ADK: variants seen among roughly 807,000 people sequenced by gnomAD.
ADK encodes the protein adenosine kinase, also known as N6,N6-dimethyladenosine kinase.
A neutral mutation model predicts 44.7 loss-of-function variants in ADK; 24 were observed. The observed-to-expected ratio is 0.54, with a 90% CI of 0.39 to 0.76. ADK has a LOEUF of 0.76. ADK is among the 30% of genes least tolerant of loss of function. The pLI, the probability that ADK is intolerant of heterozygous loss-of-function variation, is 0.00. For missense variants in ADK, 321 were observed against 425.1 expected (o/e 0.76, Z 2.15); for synonymous variants, 128 against 142.6 (o/e 0.90, Z 0.73).
chr10:74,265,454 T>G (rs1349161420), intron 3 of ADK, among the ~76,000 whole-genome samples: 7 of 152,138 alleles, frequency 4.6e-5, no homozygotes. Flanking sequence ...GACCTCGTGA[T>G]CCACCTGCCT....
intron 3 of ADK, among the ~76,000 whole-genome samples, chr10:74,288,011 A>T (rs1847254041): frequency 6.6e-6 from 1 of 151,974 alleles, no homozygotes; most frequent in Non-Finnish European, 1.5e-5. Context: ...AGAGAAAAAA[A>T]AATTTTTAAG....
At chr10:74,177,945 A>ATATATATTTTTT (rs10693309) in intron 1 of ADK, among the ~76,000 whole-genome samples, 3 of 109,010 alleles carry the variant, frequency 2.8e-5, no homozygotes, top group Non-Finnish European at 3.7e-5. Context: ...ATATATATAT[A>ATATATATTTTTT]TTTTTTTTTT....
In ADK at chr10:74,702,767, T is replaced by G. The variant is rs144785160; in HGVS notation, c.965-5554T>G. On this transcript the variant is annotated intron_variant, in intron 10 of 10. Transcript: ENST00000539909. ...GCAAGTGCCATAACACCTGGCAAATTTTTGTATTTTTAGTAGAGACGAGGT... is the reference window on the plus strand; with the variant it reads ...GCAAGTGCCATAACACCTGGCAAATGTTTGTATTTTTAGTAGAGACGAGGT... Among the ~76,000 whole-genome samples the G allele has an allele frequency of 4.7e-3, 709 of 151,700 alleles. 4 individuals carry two copies. Among genetic ancestry groups the G allele is most frequent in the African/African-American group, 0.016 (681 of 41,360 alleles).
intron 10 of ADK, among the ~76,000 whole-genome samples, chr10:74,684,876 A>G (rs1016352929): frequency 6.6e-6 from 1 of 152,240 alleles, no homozygotes; most frequent in South Asian, 2.1e-4. Flanking sequence ...TAAAACTGTC[A>G]ATGCCACCCT....
intron 7 of ADK, among the ~76,000 whole-genome samples, chr10:74,584,926 A>G (rs1851482130): frequency 6.6e-6 from 1 of 152,222 alleles, no homozygotes; most frequent in Non-Finnish European, 1.5e-5. Flanking sequence ...TTAGTTTAAT[A>G]TTGATTATAG....
intron 4 of ADK, 68 bp downstream of exon 4, chr10:74,314,813 T>C: frequency 2.5e-6 from 3 of 1,187,982 alleles, no homozygotes; most frequent in East Asian, 4.8e-5. Context: ...TTTTGCATAA[T>C]TGTTTCCTTT....
chr10:74,500,233 G>A (rs970499487), intron 6 of ADK, among the ~76,000 whole-genome samples: 2 of 152,104 alleles, frequency 1.3e-5, no homozygotes, highest in Non-Finnish European at 2.9e-5. Flanking sequence ...TACCTCTAGT[G>A]TTTCTGCAAT....
intron 9 of ADK, among the ~76,000 whole-genome samples, chr10:74,601,233 T>C (rs1852108882): frequency 6.6e-6 from 1 of 152,086 alleles, no homozygotes; most frequent in African/African-American, 2.4e-5. Context: ...TTCTTATCTA[T>C]TGGTGCTAAC....
chr10:74,591,112 C>A (rs547150563), intron 8 of ADK, among the ~76,000 whole-genome samples: 1 of 152,066 alleles, frequency 6.6e-6, no homozygotes, highest in Non-Finnish European at 1.5e-5. Context: ...CTGATTAATA[C>A]TTTTATTTCC....
intron 1 of ADK, among the ~76,000 whole-genome samples, chr10:74,175,329 C>A (rs566848986): frequency 6.7e-6 from 1 of 150,072 alleles, no homozygotes; most frequent in South Asian, 2.1e-4. Context: ...GGTTGGAGAT[C>A]GCACCACTGC....
At chr10:74,696,904 G>A (rs1856229528) in intron 10 of ADK, among the ~76,000 whole-genome samples, 1 of 152,008 alleles carries the variant, frequency 6.6e-6, no homozygotes, top group Non-Finnish European at 1.5e-5. Context: ...TATATATGAG[G>A]TATTGCTGTC....
intron 10 of ADK, among the ~76,000 whole-genome samples, chr10:74,672,686 T>C (rs1178877240): frequency 6.6e-6 from 1 of 152,206 alleles, no homozygotes; most frequent in Non-Finnish European, 1.5e-5. Context: ...CTTTAGCACA[T>C]TCTGTCAAAT....
chr10:74,471,264 C>T (rs1361564373), intron 6 of ADK, among the ~76,000 whole-genome samples: 1 of 151,882 alleles, frequency 6.6e-6, no homozygotes, highest in Non-Finnish European at 1.5e-5. Context: ...TTAGTAGAGA[C>T]TGGGTTTCAC....
chr10:74,616,001 G>A (rs1852744921), intron 9 of ADK, among the ~76,000 whole-genome samples: 1 of 152,128 alleles, frequency 6.6e-6, no homozygotes, highest in Non-Finnish European at 1.5e-5. Flanking sequence ...GAGCCATCGT[G>A]CCTGGCCTTG....
intron 3 of ADK, among the ~76,000 whole-genome samples, chr10:74,232,925 A>T (rs985834820): frequency 2.0e-5 from 3 of 152,200 alleles, no homozygotes; most frequent in African/African-American, 7.2e-5. Context: ...CGTCTGGCCT[A>T]TAAGGAATAA....
intron 7 of ADK, among the ~76,000 whole-genome samples, chr10:74,581,209 G>A (rs1851363432): frequency 6.6e-6 from 1 of 151,610 alleles, no homozygotes; most frequent in Non-Finnish European, 1.5e-5. Context: ...ATTTCAAGAA[G>A]GTAAATAAAA....
At chr10:74,244,868 C>T (rs891738793) in intron 3 of ADK, among the ~76,000 whole-genome samples, 3 of 152,166 alleles carry the variant, frequency 2.0e-5, no homozygotes, top group South Asian at 2.1e-4. Context: ...CATTGAATGA[C>T]GATCCATTAG....
At chr10:74,693,881 C>T (rs557666161) in intron 10 of ADK, among the ~76,000 whole-genome samples, 1 of 152,206 alleles carries the variant, frequency 6.6e-6, no homozygotes, top group East Asian at 1.9e-4. Flanking sequence ...GAAAATTCAT[C>T]CAGTGGCTAC....
At chr10:74,596,501 A>T (rs1851930343) in intron 8 of ADK, among the ~76,000 whole-genome samples, 1 of 151,512 alleles carries the variant, frequency 6.6e-6, no homozygotes, top group Admixed American at 6.6e-5. Context: ...CAATCTGTAG[A>T]TTCAATGCAA....
Sources: gnomAD v4.1 joint callset for allele counts (sites outside exome capture counted in the v4.1 genomes callset) on GRCh38, gnomAD v4.1.1 for gene constraint, MANE v1.5 for transcripts, NCBI Gene and HGNC (gene_info 2026-07-23, HGNC 2026-07-21) for gene names.